The following ENOX1 variants were observed in gnomAD, a reference collection of about 807,000 sequenced individuals.
The protein encoded by ENOX1 is ecto-NOX disulfide-thiol exchanger 1, also known as candidate growth-related and time keeping constitutive hydroquinone (NADH) oxidase.
ENOX1 carries 42 observed loss-of-function variants against 82.5 expected under a neutral mutation model. That is an observed-to-expected ratio of 0.51 (90% CI 0.40 to 0.66). ENOX1 has a LOEUF of 0.66. ENOX1 is among the 30% of genes least tolerant of loss of function. The pLI, the probability that ENOX1 is intolerant of heterozygous loss-of-function variation, is 0.00. For missense variants in ENOX1, 608 were observed against 811.6 expected (o/e 0.75, Z 3.05); for synonymous variants, 271 against 282.2 (o/e 0.96, Z 0.40).
intron 2 of ENOX1, among the ~76,000 whole-genome samples, chr13:43,583,004 G>GACAC (rs1491074532): frequency 1.4e-5 from 2 of 146,264 alleles, no homozygotes; most frequent in Admixed American, 7.0e-5. Flanking sequence ...CAGACAGACA[G>GACAC]ACACACACAC....
intron 2 of ENOX1, among the ~76,000 whole-genome samples, chr13:43,534,527 T>C (rs1286623277): frequency 6.6e-6 from 1 of 152,188 alleles, no homozygotes; most frequent in African/African-American, 2.4e-5. Flanking sequence ...ACAATAATGC[T>C]ATCACAGACT....
intron 5 of ENOX1, among the ~76,000 whole-genome samples, chr13:43,380,016 G>T (rs756152009): frequency 7.3e-5 from 11 of 151,686 alleles, no homozygotes; most frequent in African/African-American, 2.7e-4. Flanking sequence ...CACCTTTAAA[G>T]AACTGAAATT....
intron 3 of ENOX1, among the ~76,000 whole-genome samples, chr13:43,451,278 T>C (rs1336668187): frequency 3.3e-5 from 5 of 152,204 alleles, no homozygotes; most frequent in African/African-American, 4.8e-5. Flanking sequence ...CCCAATTTTA[T>C]AGGTAAGGGA....
intron 1 of ENOX1, among the ~76,000 whole-genome samples, chr13:43,763,007 T>C (rs1380875267): frequency 6.6e-6 from 1 of 152,332 alleles, no homozygotes; most frequent in African/African-American, 2.4e-5. Flanking sequence ...ATATGATGCA[T>C]TGAATCTTCT....
At position 43,413,105 on chromosome 13, in the gene ENOX1, G is replaced by A. The variant is rs987684384; in HGVS notation, c.-74-117C>T. On this transcript the variant is annotated intron_variant, in intron 3 of 16. Coordinates refer to ENST00000690772, the MANE Select transcript of ENOX1 (RefSeq NM_001347969.2). ...AACAAAGACCGATTTCCAGTCTCAGGCACAGAAGAAATGCTGCTTCCCATC... is the reference window on the plus strand; with the variant it reads ...AACAAAGACCGATTTCCAGTCTCAGACACAGAAGAAATGCTGCTTCCCATC... 7.4e-6 allele frequency: 8 copies of A among 1,075,664 alleles called. No homozygotes were observed. The African/African-American group carries it at 9.9e-5, about 13-fold the overall frequency. The allele number at this position is 1,075,664 out of a possible 1,614,324, so 66.6% of individuals were successfully genotyped here.
chr13:43,681,789 T>A (rs1190480128), intron 1 of ENOX1, among the ~76,000 whole-genome samples: 1 of 151,930 alleles, frequency 6.6e-6, no homozygotes, highest in Non-Finnish European at 1.5e-5. Context: ...CTGGCCTGTT[T>A]AGGAGAAGGA....
intron 9 of ENOX1, among the ~76,000 whole-genome samples, chr13:43,339,685 G>A (rs1025144940): frequency 2.0e-5 from 3 of 152,262 alleles, no homozygotes; most frequent in Admixed American, 6.5e-5. Flanking sequence ...GAGATCTTTC[G>A]GCACTGACAC....
chr13:43,636,672 G>GA (rs36014242), intron 2 of ENOX1, among the ~76,000 whole-genome samples: 13,601 of 152,164 alleles, frequency 0.089, 677 homozygotes, highest in Middle Eastern at 0.15. Context: ...AAATCCTGTG[G>GA]AAAGTAGACA....
chr13:43,565,567 AC>A (rs2079881623), intron 2 of ENOX1, among the ~76,000 whole-genome samples: 2 of 152,282 alleles, frequency 1.3e-5, no homozygotes, highest in South Asian at 4.2e-4. Flanking sequence ...CAGGGTGGTC[AC>A]AGCTCCAGTA....
intron 2 of ENOX1, among the ~76,000 whole-genome samples, chr13:43,562,742 G>T (rs903693731): frequency 6.6e-6 from 1 of 152,150 alleles, no homozygotes; most frequent in Non-Finnish European, 1.5e-5. Context: ...AACAGGAGTG[G>T]CTATGCTGGT....
intron 5 of ENOX1, chr13:43,394,868 A>G: frequency 1.7e-5 from 1 of 59,242 alleles, no homozygotes; most frequent in Non-Finnish European, 2.6e-5. Flanking sequence ...CCTTTACAGG[A>G]AAAAAAAAAA....
intron 5 of ENOX1, among the ~76,000 whole-genome samples, chr13:43,408,197 G>T (rs74577672): frequency 0.023 from 3,466 of 152,266 alleles, 136 homozygotes; most frequent in African/African-American, 0.078. Flanking sequence ...ACATCTGAAA[G>T]GTGTGCTACC....
chr13:43,438,723 C>T (rs892073280), intron 3 of ENOX1, among the ~76,000 whole-genome samples: 1 of 152,118 alleles, frequency 6.6e-6, no homozygotes, highest in Non-Finnish European at 1.5e-5. Context: ...GGGCATTGGA[C>T]TTGAATCAAA....
intron 2 of ENOX1, among the ~76,000 whole-genome samples, chr13:43,562,416 C>A (rs886332757): frequency 6.6e-6 from 1 of 151,690 alleles, no homozygotes; most frequent in African/African-American, 2.4e-5. Flanking sequence ...TCAAAATATA[C>A]CACCAGAAAA....
intron 2 of ENOX1, among the ~76,000 whole-genome samples, chr13:43,508,530 A>T (rs561974155): frequency 2.6e-5 from 4 of 151,978 alleles, no homozygotes; most frequent in South Asian, 2.1e-4. Context: ...TATGATTGAG[A>T]TAGAAATGAA....
chr13:43,647,860 G>A (rs994754900), intron 2 of ENOX1, among the ~76,000 whole-genome samples: 2 of 152,100 alleles, frequency 1.3e-5, no homozygotes, highest in Non-Finnish European at 2.9e-5. Flanking sequence ...CCTTAAAAAC[G>A]AAGAACCTTT....
intron 12 of ENOX1, among the ~76,000 whole-genome samples, chr13:43,281,526 CTTA>C (rs766742900): frequency 6.6e-6 from 1 of 152,168 alleles, no homozygotes; most frequent in African/African-American, 2.4e-5. Context: ...CAGCTTCACA[CTTA>C]TTATTAATAT....
intron 12 of ENOX1, among the ~76,000 whole-genome samples, chr13:43,281,880 T>G (rs2045405921): frequency 6.6e-6 from 1 of 152,104 alleles, no homozygotes; most frequent in South Asian, 2.1e-4. Flanking sequence ...CAGGGACAAT[T>G]TGAAAATGTA....
chr13:43,530,727 T>C (rs1455156368), intron 2 of ENOX1, among the ~76,000 whole-genome samples: 1 of 152,122 alleles, frequency 6.6e-6, no homozygotes, highest in Non-Finnish European at 1.5e-5. Flanking sequence ...ATTTGCCAAA[T>C]CATTAAAATC....
Sources: gnomAD v4.1 joint callset for allele counts (sites outside exome capture counted in the v4.1 genomes callset) on GRCh38, gnomAD v4.1.1 for gene constraint, MANE v1.5 for transcripts, NCBI Gene and HGNC (gene_info 2026-07-23, HGNC 2026-07-21) for gene names.